Variants in RFX7 observed in about 807,000 individuals in gnomAD.
RFX7 encodes the protein regulatory factor X7.
Under a neutral mutation model 111.8 loss-of-function variants are expected in RFX7, and 26 were observed. The ratio of observed to expected loss-of-function variants is 0.23; its 90% CI spans 0.17 to 0.32. The LOEUF is 0.32. RFX7 is among the 10% of genes least tolerant of loss of function. The pLI is 1.00. For missense variants in RFX7, 1,573 were observed against 1,772.9 expected (o/e 0.89, Z 2.02); for synonymous variants, 624 against 624.4 (o/e 1.00, Z 0.01).
rs770500453 is a variant in RFX7 at position 56,103,582 on chromosome 15, G to A, written c.490C>T (p.Arg164Cys). 6.2e-7 allele frequency: 1 copy of A among 1,606,718 alleles called. No homozygotes were observed. Among genetic ancestry groups the A allele is most frequent in the Non-Finnish European group, 8.5e-7 (1 of 1,176,224 alleles). Residue 164 changes from arginine to cysteine, a missense_variant, in exon 6 of 10, where the codon CGT becomes TGT. Physicochemically the swap from Arg to Cys is radical, Grantham distance 180. This residue lies in a region of RFX7 where 11 missense variants were observed against 30.4 expected (regional missense o/e 0.36). Transcript: ENST00000559447. Reference sequence around the variant, plus strand: ...GATTTGCCTCTTGTGCCCAAACGACGTGCCTTCATGTTTGGAAAGACGTTT... The same window carrying A: ...GATTTGCCTCTTGTGCCCAAACGACATGCCTTCATGTTTGGAAAGACGTTT... ...MKNVFPNMKA[R>C]RLGTRGKSKY...
chr15:56,092,599 TTTGC>T lies in RFX7; in HGVS notation c.*742_*745del, dbSNP rs2041610102. The T allele has an allele frequency of 1.3e-5, 2 of 152,486 alleles. No homozygotes were observed. The highest frequency in any genetic ancestry group is 2.9e-5 in the Non-Finnish European group (2 of 68,010). The allele number at this position is 152,486 out of a possible 1,614,324, so 9.4% of individuals were successfully genotyped here. A position where few individuals can be genotyped will look rare whatever the true frequency, so the allele number is the denominator to read the frequency against. On this transcript the variant is annotated 3_prime_UTR_variant, in exon 10 of 10. Coordinates refer to ENST00000559447, the MANE Select transcript of RFX7 (RefSeq NM_022841.7). ...TAAATTACAAATGCCTGGAGTTACA[TTTGC>T]TTGTTTTGTGTGTGCGTGCCTGCGC...
chr15:56,160,166 T>C (rs1038947876), intron 3 of RFX7, among the ~76,000 whole-genome samples: 1 of 152,164 alleles, frequency 6.6e-6, no homozygotes, highest in Non-Finnish European at 1.5e-5. Context: ...TCCTTGATGG[T>C]GAAATTATAT....
At chr15:56,243,920 C>G (rs551187149), upstream of RFX7, 1 of 149,610 alleles carries the variant, frequency 6.7e-6, no homozygotes, top group East Asian at 2.0e-4. Context: ...CCTACCGCTC[C>G]GCCGGGGGGC....
At chr15:56,231,539 A>G (rs979734586) in intron 2 of RFX7, among the ~76,000 whole-genome samples, 4 of 152,172 alleles carry the variant, frequency 2.6e-5, no homozygotes, top group African/African-American at 9.7e-5. Context: ...ATTATCTCCC[A>G]CCAAGTCCCT....
Position 56,096,400 on chromosome 15 carries a change from G to T in RFX7, c.1328C>A (p.Thr443Asn). Residue 443 changes from threonine to asparagine, a missense_variant, in exon 10 of 10, where the codon ACC becomes AAC. Around this residue, in one of 7 missense-constraint regions of RFX7, gnomAD observed 288 missense variants for 337.9 expected, o/e 0.85. Coordinates refer to ENST00000559447, the MANE Select transcript of RFX7 (RefSeq NM_022841.7). ...LPKPANTSAL[T>N]IRSPTTVLFT... ...GAGGACAGTAGTTGGAGAGCGAATG[G>T]TGAGTGCACTGGTGTTCGCTGGTTT... is the stretch of plus-strand genomic sequence containing the variant. The T allele has an allele frequency of 6.2e-7, 1 of 1,613,964 alleles. No individual in the cohort carries two copies. Among genetic ancestry groups the T allele is most frequent in the Non-Finnish European group, 8.5e-7 (1 of 1,179,868 alleles).
intron 5 of RFX7, among the ~76,000 whole-genome samples, chr15:56,106,230 T>TC (rs1384817857): frequency 6.6e-6 from 1 of 152,236 alleles, no homozygotes; most frequent in Non-Finnish European, 1.5e-5. Context: ...TGTGGTTATT[T>TC]CACAAAATCA....
chr15:56,110,338 G>A (rs1467355949), intron 5 of RFX7, among the ~76,000 whole-genome samples: 9 of 60,440 alleles, frequency 1.5e-4, no homozygotes, highest in African/African-American at 5.1e-4. Context: ...TCAGCCCCCC[G>A]CCTGGCCAGC....
At position 56,101,529 on chromosome 15, in the gene RFX7, A is replaced by G. The variant is rs777000241; in HGVS notation, c.641T>C (p.Ile214Thr). The G allele has an allele frequency of 3.7e-6, 6 of 1,613,788 alleles. No individual in the cohort carries two copies. The highest frequency in any genetic ancestry group is 2.2e-5 in the East Asian group (1 of 44,876). Reference protein sequence around the residue: ...GAEPSGQLQNIDEEVISSACR... With the variant: ...GAEPSGQLQNTDEEVISSACR... The stretch of plus-strand genomic sequence containing the variant: ...AGCAGAAGAGATAACTTCTTCATCA[A>G]TATTTTGAAGCTGCCCAGAAGGTTC... The change falls in exon 8 of 10, where the codon ATT (isoleucine) becomes ACT (threonine). Residue 214 changes from isoleucine (I) to threonine (T), a missense_variant. Physicochemically the swap from Ile to Thr is moderately conservative, Grantham distance 89. Coordinates refer to ENST00000559447, the MANE Select transcript of RFX7 (RefSeq NM_022841.7).
intron 2 of RFX7, among the ~76,000 whole-genome samples, chr15:56,227,380 T>C (rs567163108): frequency 2.1e-4 from 32 of 152,352 alleles, no homozygotes; most frequent in Admixed American, 1.8e-3. Flanking sequence ...TATAACTGAA[T>C]TGATATGGAC....
At chr15:56,111,401 A>T (rs2041928856) in intron 5 of RFX7, among the ~76,000 whole-genome samples, 1 of 151,846 alleles carries the variant, frequency 6.6e-6, no homozygotes, top group Non-Finnish European at 1.5e-5. Flanking sequence ...GGTTAAATGG[A>T]TTAAGGGCGG....
At chr15:56,181,086 C>G (rs2042966520) in intron 2 of RFX7, among the ~76,000 whole-genome samples, 1 of 152,152 alleles carries the variant, frequency 6.6e-6, no homozygotes, top group Admixed American at 6.5e-5. Flanking sequence ...GACATTAGTC[C>G]TTTGCTCCAA....
Position 56,096,615 on chromosome 15 carries a change from C to T in RFX7, c.1113G>A (p.Gln371=), listed in dbSNP as rs757327990. 9 of 1,573,966 alleles carry T rather than the reference C, an allele frequency of 5.7e-6. No homozygotes were observed. The highest frequency in any genetic ancestry group is 7.8e-6 in the Non-Finnish European group (9 of 1,158,018). The change falls in exon 10 of 10, where the codon CAG becomes CAA. Residue 371 remains glutamine (Q), a synonymous_variant. Transcript: ENST00000559447. ...GTGAAGTTACCAATTGCCTAGTCCG[C>T]TGGACCTGTTAAAAGATAGCAAAAA... ...VAAVPSPIPV[Q]RTRQLVTSPS...
At position 56,096,073 on chromosome 15, in the gene RFX7, C is replaced by T. The variant is rs779059853; in HGVS notation, c.1655G>A (p.Cys552Tyr). ...TTTAGCCTCATCAGAGTTCTCTTGG[C>T]ACTGTACAGGATGCTCATCTGATGA... ...ETSSDEHPVQ[C>Y]QENSDEAKAP... The change falls in exon 10 of 10, where the codon TGC (cysteine) becomes TAC (tyrosine). Residue 552 changes from cysteine to tyrosine, a missense_variant. Cys to Tyr is a radical substitution (Grantham distance 194). Transcript: ENST00000559447. 23 of 1,613,418 alleles carry T rather than the reference C, an allele frequency of 1.4e-5. No homozygotes were observed. Among genetic ancestry groups the T allele is most frequent in the Non-Finnish European group, 1.9e-5 (22 of 1,179,716 alleles).
intron 6 of RFX7, among the ~76,000 whole-genome samples, chr15:56,102,586 C>A (rs1277588027): frequency 2.0e-5 from 3 of 152,172 alleles, no homozygotes; most frequent in Admixed American, 1.3e-4. Context: ...AGATGGAAAC[C>A]TGGCACAGGG....
intron 3 of RFX7, among the ~76,000 whole-genome samples, chr15:56,161,389 T>A (rs182290395): frequency 7.2e-5 from 11 of 152,210 alleles, no homozygotes; most frequent in Admixed American, 6.5e-4. Context: ...AAGATAGACA[T>A]GTAAGATATT....
intron 5 of RFX7, among the ~76,000 whole-genome samples, chr15:56,111,563 T>C (rs1186550199): frequency 1.3e-5 from 2 of 150,768 alleles, no homozygotes; most frequent in Non-Finnish European, 3.0e-5. Context: ...TGTTCACTTG[T>C]TTATCTGCTG....
At chr15:56,217,574 T>C (rs1331853901) in intron 2 of RFX7, among the ~76,000 whole-genome samples, 1 of 152,176 alleles carries the variant, frequency 6.6e-6, no homozygotes, top group Non-Finnish European at 1.5e-5. Context: ...AGACTTTATA[T>C]AGACTTTATA....
intron 5 of RFX7, among the ~76,000 whole-genome samples, chr15:56,139,906 G>C (rs1282395065): frequency 2.0e-5 from 3 of 152,204 alleles, no homozygotes; most frequent in Non-Finnish European, 4.4e-5. Flanking sequence ...CTGCTGGGGG[G>C]TGCCTCCCAG....
chr15:56,211,819 C>G (rs1175383876), intron 2 of RFX7, among the ~76,000 whole-genome samples: 1 of 151,968 alleles, frequency 6.6e-6, no homozygotes, highest in East Asian at 1.9e-4. Flanking sequence ...ACTAAAACAC[C>G]AATGAGATAC....
Sources: allele counts gnomAD v4.1 joint callset (sites outside exome capture counted in the v4.1 genomes callset), GRCh38; gene constraint gnomAD v4.1.1; regional missense constraint gnomAD v4.1.1; transcripts MANE v1.5; gene names NCBI Gene and HGNC (gene_info 2026-07-23, HGNC 2026-07-21).